Variants in NAV3 observed in about 807,000 individuals in gnomAD.
NAV3 encodes neuron navigator 3, also known as pore membrane and/or filament interacting like protein 1.
A neutral mutation model predicts 244.7 loss-of-function variants in NAV3; 87 were observed. That is an observed-to-expected ratio of 0.36 (90% CI 0.30 to 0.42). NAV3 has a LOEUF of 0.42. Among genes scored for constraint, NAV3 ranks in the 20% least tolerant of loss-of-function variants. The pLI is 1.00. For missense variants in NAV3, 2,663 were observed against 2,893.3 expected, an observed-to-expected ratio of 0.92 and a Z score of 1.83; for synonymous variants, 1,126 against 1,042.2, an observed-to-expected ratio of 1.08 and a Z score of -1.55.
At chr12:77,723,051 G>T (rs1490450878) in intron 2 of NAV3, among the ~76,000 whole-genome samples, 1 of 151,652 alleles carries the variant, frequency 6.6e-6, no homozygotes, top group African/African-American at 2.4e-5. Flanking sequence ...TTGCCTTTTG[G>T]GTTTTTACTA....
intron 12 of NAV3, among the ~76,000 whole-genome samples, chr12:78,094,526 A>G (rs1022725033): frequency 6.6e-6 from 1 of 152,216 alleles, no homozygotes; most frequent in African/African-American, 2.4e-5. Flanking sequence ...TGAAGATGCT[A>G]AGACTGTCAT....
rs1388724726 is a variant in NAV3, at chr12:77,777,904, C to G, written c.73-162415C>G. On this transcript the variant is annotated intron_variant, in intron 2 of 8. Coordinates refer to the NAV3 transcript ENST00000550042. Reference sequence around the variant, plus strand: ...CACTGCAACCTCCGCCTCCCAGGTTCAAGCGATTCTCCTGCCTCAGCCTCC... The same window carrying G: ...CACTGCAACCTCCGCCTCCCAGGTTGAAGCGATTCTCCTGCCTCAGCCTCC... Among the ~76,000 whole-genome samples the G allele has an allele frequency of 5.3e-5, 8 of 151,758 alleles. No individual in the cohort carries two copies. In the South Asian group the frequency reaches 1.5e-3, roughly 28 times the overall value.
intron 26 of NAV3, 30 bp downstream of exon 26, chr12:78,176,489 G>T: frequency 6.2e-7 from 1 of 1,611,364 alleles, no homozygotes; most frequent in Middle Eastern, 1.7e-4. Context: ...AATTTGGCAT[G>T]CATCTATAAA....
intron 2 of NAV3, among the ~76,000 whole-genome samples, chr12:77,589,812 A>G (rs1284072475): frequency 1.3e-5 from 2 of 152,372 alleles, no homozygotes; most frequent in East Asian, 1.9e-4. Context: ...TCCACCAAGT[A>G]TATTTTCCAG....
intron 2 of NAV3, among the ~76,000 whole-genome samples, chr12:77,678,167 G>A (rs761355630): frequency 2.6e-5 from 4 of 152,042 alleles, no homozygotes; most frequent in African/African-American, 4.8e-5. Flanking sequence ...ACCAGATGAA[G>A]CACATGGACA....
At chr12:78,041,543 C>T (rs150139414) in intron 9 of NAV3, among the ~76,000 whole-genome samples, 31 of 152,288 alleles carry the variant, frequency 2.0e-4, no homozygotes, top group Non-Finnish European at 2.9e-5. Flanking sequence ...TTAAGGGAGA[C>T]AAATTTTTGC....
chr12:77,890,007 A>G (rs1319641435), intron 1 of NAV3, among the ~76,000 whole-genome samples: 9 of 152,232 alleles, frequency 5.9e-5, no homozygotes, highest in Non-Finnish European at 1.2e-4. Flanking sequence ...CCAGTAGGTG[A>G]GGGAAATAAC....
intron 22 of NAV3, among the ~76,000 whole-genome samples, chr12:78,155,139 C>G (rs1957250977): frequency 6.6e-6 from 1 of 151,976 alleles, no homozygotes; most frequent in South Asian, 2.1e-4. Flanking sequence ...ATTAAGCCCA[C>G]CATCCATTAG....
At chr12:78,006,389 T>G in intron 7 of NAV3, 30 bp from the exon 8 acceptor site, 1 of 1,587,216 alleles carries the variant, frequency 6.3e-7, no homozygotes, top group Non-Finnish European at 8.6e-7. Flanking sequence ...TAATCGCCTT[T>G]TCTTTATTTT....
chr12:77,797,855 C>T (rs182593998), intron 2 of NAV3, among the ~76,000 whole-genome samples: 2 of 150,108 alleles, frequency 1.3e-5, no homozygotes, highest in East Asian at 2.0e-4. Flanking sequence ...AAAAAAGTAC[C>T]TTAAAGATCA....
chr12:78,005,453 A>G (rs986479282), intron 7 of NAV3, among the ~76,000 whole-genome samples: 2 of 152,238 alleles, frequency 1.3e-5, no homozygotes, highest in African/African-American at 4.8e-5. Context: ...CTTGCTACTC[A>G]AAGTATGACT....
intron 3 of NAV3, among the ~76,000 whole-genome samples, chr12:77,958,617 C>T (rs929488110): frequency 6.6e-6 from 1 of 152,104 alleles, no homozygotes; most frequent in Admixed American, 6.6e-5. Context: ...CCCAAAACCT[C>T]AAGGCTCAAT....
chr12:77,929,343 C>A (rs1399252693), intron 1 of NAV3, among the ~76,000 whole-genome samples: 1 of 152,154 alleles, frequency 6.6e-6, no homozygotes. Context: ...CCTGTCAAAG[C>A]CACCACATTG....
At chr12:77,950,938 C>A (rs188888342) in intron 3 of NAV3, 334 of 152,192 alleles carry the variant, frequency 2.2e-3, no homozygotes, top group African/African-American at 7.3e-3. Flanking sequence ...TAAAGACTGA[C>A]ATGTTAGACC....
intron 16 of NAV3, among the ~76,000 whole-genome samples, chr12:78,123,381 T>G (rs1955763335): frequency 6.6e-6 from 1 of 152,062 alleles, no homozygotes; most frequent in Non-Finnish European, 1.5e-5. Flanking sequence ...CTGATATTGA[T>G]GATGGCATTT....
At chr12:77,782,924 G>A (rs1870736744) in intron 2 of NAV3, among the ~76,000 whole-genome samples, 1 of 152,056 alleles carries the variant, frequency 6.6e-6, no homozygotes, top group South Asian at 2.1e-4. Flanking sequence ...ATATGCTGAT[G>A]CAATGTCACA....
At chr12:78,125,296 G>T (rs1955858408) in intron 16 of NAV3, among the ~76,000 whole-genome samples, 1 of 152,134 alleles carries the variant, frequency 6.6e-6, no homozygotes, top group African/African-American at 2.4e-5. Context: ...AATTTTAGAT[G>T]ATTTTTTGAT....
chr12:78,175,480 A>C, intron 25 of NAV3, 53 bp downstream of exon 25: 1 of 1,585,794 alleles, frequency 6.3e-7, no homozygotes, highest in South Asian at 1.1e-5. Flanking sequence ...ATAATGTGTT[A>C]GGCCTTTTTC....
chr12:77,665,468 C>CA (rs1565761393), intron 2 of NAV3, among the ~76,000 whole-genome samples: 2 of 151,844 alleles, frequency 1.3e-5, no homozygotes, highest in Admixed American at 6.6e-5. Flanking sequence ...TTATGCTTTC[C>CA]AAAAAATATT....
Sources: allele counts gnomAD v4.1 joint callset (sites outside exome capture counted in the v4.1 genomes callset), GRCh38; gene constraint gnomAD v4.1.1; transcripts MANE v1.5; gene names NCBI Gene and HGNC (gene_info 2026-07-23, HGNC 2026-07-21).